The following LYST variants were observed in gnomAD, a reference collection of about 807,000 sequenced individuals.
LYST encodes lysosomal-trafficking regulator.
Under a neutral mutation model 413.6 loss-of-function variants are expected in LYST, and 192 were observed. The observed-to-expected ratio is 0.46, with a 90% confidence interval of 0.41 to 0.52. The LOEUF (loss-of-function observed/expected upper bound fraction) is 0.52, where lower values mean the gene tolerates loss of function less well. Among genes scored for constraint, LYST ranks in the 20% least tolerant of loss-of-function variants. The probability of loss-of-function intolerance (pLI) is 0.00; values close to 1 mark genes in which losing one functional copy is unlikely to be tolerated. For missense variants in LYST, 3,815 were observed against 4,499.9 expected (o/e 0.85, Z 4.35); for synonymous variants, 1,525 against 1,567.3 (o/e 0.97, Z 0.64).
chr1:235,873,676 A>G (rs774105228), intron 1 of LYST, among the ~76,000 whole-genome samples: 5 of 152,200 alleles, frequency 3.3e-5, no homozygotes, highest in African/African-American at 4.8e-5. Context: ...GGCATTACTT[A>G]TTTTGACAGC....
chr1:235,815,576 C>T (rs1373983520), intron 3 of LYST, among the ~76,000 whole-genome samples: 2 of 152,136 alleles, frequency 1.3e-5, no homozygotes, highest in Non-Finnish European at 2.9e-5. Context: ...TGATAAATAA[C>T]TTCAGCAAAG....
chr1:235,698,568 T>C (rs537356493), intron 45 of LYST, among the ~76,000 whole-genome samples: 2 of 152,244 alleles, frequency 1.3e-5, no homozygotes, highest in Admixed American at 6.5e-5. Flanking sequence ...GATCCAAATC[T>C]ATCAATATTA....
At chr1:235,708,367 G>A (rs928048118) in intron 44 of LYST, among the ~76,000 whole-genome samples, 7 of 152,132 alleles carry the variant, frequency 4.6e-5, no homozygotes, top group Non-Finnish European at 1.5e-5. Context: ...ATGTATGTAG[G>A]ATAGTGTGCG....
chr1:235,873,283 T>A (rs542808180), intron 1 of LYST, among the ~76,000 whole-genome samples: 2 of 152,330 alleles, frequency 1.3e-5, no homozygotes, highest in South Asian at 4.1e-4. Context: ...GCTGAACGTG[T>A]CATAGTGTTC....
intron 30 of LYST, among the ~76,000 whole-genome samples, chr1:235,742,177 G>A (rs1046249372): frequency 2.6e-5 from 4 of 152,044 alleles, no homozygotes; most frequent in East Asian, 1.9e-4. Context: ...AGTTCCGGCC[G>A]GGTGTGGTGG....
At chr1:235,819,441 T>C (rs1674512349) in intron 3 of LYST, among the ~76,000 whole-genome samples, 1 of 152,064 alleles carries the variant, frequency 6.6e-6, no homozygotes, top group Non-Finnish European at 1.5e-5. Flanking sequence ...AGATCTTATC[T>C]CCCAAGTTTT....
intron 44 of LYST, among the ~76,000 whole-genome samples, chr1:235,704,993 C>T (rs1661860534): frequency 6.6e-6 from 1 of 152,196 alleles, no homozygotes; most frequent in Non-Finnish European, 1.5e-5. Context: ...ACAGGCATCT[C>T]TACATGCCTT....
chr1:235,697,409 A>AT lies in LYST; in HGVS notation c.10375-138dup, dbSNP rs201504222. ...TGTAAGGGCAATAATTATTTTACGCATTTTTTTTTACTTCCCCATGCTTAG... is the reference window on the plus strand; with the variant it reads ...TGTAAGGGCAATAATTATTTTACGCATTTTTTTTTTACTTCCCCATGCTTAG... On this transcript the variant is annotated intron_variant, in intron 45 of 52. Transcript: ENST00000389793. The AT allele has an allele frequency of 4.6e-3, 2,976 of 640,648 alleles. 5 individuals carry two copies. The highest frequency in any genetic ancestry group is 5.2e-3 in the Non-Finnish European group (1,928 of 371,980). The allele number at this position is 640,648 out of a possible 1,614,324, so 39.7% of individuals were successfully genotyped here.
chr1:235,871,895 C>T (rs1044971968), upstream of LYST, among the ~76,000 whole-genome samples: 9 of 152,262 alleles, frequency 5.9e-5, no homozygotes, highest in Middle Eastern at 3.4e-3. Context: ...TTCTACATGT[C>T]GGGGAGGAAA....
intron 1 of LYST, among the ~76,000 whole-genome samples, chr1:235,855,755 T>C (rs1486022327): frequency 6.6e-6 from 1 of 152,146 alleles, no homozygotes; most frequent in Non-Finnish European, 1.5e-5. Flanking sequence ...GTTTTAGACA[T>C]ACTGAACACA....
At chr1:235,874,531 C>T (rs1403805625) in intron 1 of LYST, among the ~76,000 whole-genome samples, 1 of 152,188 alleles carries the variant, frequency 6.6e-6, no homozygotes, top group Admixed American at 6.5e-5. Flanking sequence ...AGGCTTTGAG[C>T]AGGCCAGTTT....
At chr1:235,872,535 G>A (rs148891439) in intron 1 of LYST, among the ~76,000 whole-genome samples, 6 of 152,252 alleles carry the variant, frequency 3.9e-5, no homozygotes, top group Admixed American at 1.3e-4. Context: ...CCTTCTTCCC[G>A]GATACAGGGC....
At chr1:235,738,352 A>C (rs1665002049) in intron 31 of LYST, 1 of 1,612,236 alleles carries the variant, frequency 6.2e-7, no homozygotes, top group African/African-American at 1.3e-5. Flanking sequence ...ACATCTTTAA[A>C]TTCATCATTC....
At chr1:235,795,760 G>A (rs1671490715) in intron 10 of LYST, among the ~76,000 whole-genome samples, 1 of 151,894 alleles carries the variant, frequency 6.6e-6, no homozygotes, top group Non-Finnish European at 1.5e-5. Flanking sequence ...AATATAAATG[G>A]TCTAAAAAGG....
At chr1:235,862,939 C>G (rs1680073661) in intron 1 of LYST, among the ~76,000 whole-genome samples, 1 of 151,888 alleles carries the variant, frequency 6.6e-6, no homozygotes, top group African/African-American at 2.4e-5. Flanking sequence ...TGAGGTGTTG[C>G]CTGATTCTAC....
Position 235,746,438 on chromosome 1 carries a change from G to A in LYST, c.7870C>T (p.Arg2624Trp), listed in dbSNP as rs150306354. 5,536 of 1,613,734 alleles carry A rather than the reference G, an allele frequency of 3.4e-3. 18 individuals carry two copies. Among genetic ancestry groups the A allele is most frequent in the Non-Finnish European group, 4.0e-3 (4,692 of 1,179,788 alleles). The change falls in exon 29 of 53, where the codon CGG (arginine) becomes TGG (tryptophan). Residue 2624 changes from arginine to tryptophan, a missense_variant. Around this residue, in one of 4 missense-constraint regions of LYST, gnomAD observed 771 missense variants for 837.1 expected, o/e 0.92. Coordinates refer to ENST00000389793, the MANE Select transcript of LYST (RefSeq NM_000081.4). ...CTAGGGTTCTCTTGGCTCATTCTCCGTTGCATCATCACATGAAGCTCATCA... is the reference window on the plus strand; with the variant it reads ...CTAGGGTTCTCTTGGCTCATTCTCCATTGCATCATCACATGAAGCTCATCA... ...ANDELHVMMQ[R>W]RMSQENPSQA...
intron 39 of LYST, among the ~76,000 whole-genome samples, chr1:235,723,371 A>G (rs893134648): frequency 1.3e-5 from 2 of 152,198 alleles, no homozygotes; most frequent in African/African-American, 2.4e-5. Context: ...TTTTAAAGTC[A>G]TAAGACTGGA....
At chr1:235,712,682 T>C in intron 42 of LYST, 1 of 985,418 alleles carries the variant, frequency 1.0e-6, no homozygotes, top group Non-Finnish European at 1.2e-6. Flanking sequence ...CTTTTCTTTC[T>C]TTCTTTTTTT....
At chr1:235,826,106 GA>G (rs1658665136) in intron 3 of LYST, among the ~76,000 whole-genome samples, 1 of 152,132 alleles carries the variant, frequency 6.6e-6, no homozygotes, top group African/African-American at 2.4e-5. Context: ...TATTCACTTA[GA>G]ATGACTAACA....
Sources: allele counts gnomAD v4.1 joint callset (sites outside exome capture counted in the v4.1 genomes callset), GRCh38; gene constraint gnomAD v4.1.1; regional missense constraint gnomAD v4.1.1; transcripts MANE v1.5; gene names NCBI Gene and HGNC (gene_info 2026-07-23, HGNC 2026-07-21).